The following EFHC2 variants were observed in gnomAD, a reference collection of about 807,000 sequenced individuals.
EFHC2 encodes EF-hand domain containing 2, also known as EF-hand domain-containing family member C2.
Under a neutral mutation model 52.7 loss-of-function variants are expected in EFHC2, and 18 were observed. The observed-to-expected ratio is 0.34, with a 90% CI of 0.24 to 0.51. The LOEUF (loss-of-function observed/expected upper bound fraction) is 0.51, where lower values mean the gene tolerates loss of function less well. Ranked by LOEUF, EFHC2 falls within the 20% of genes least tolerant of loss-of-function variation. EFHC2 has a pLI of 0.97. For missense variants in EFHC2, 513 were observed against 562.5 expected, an observed-to-expected ratio of 0.91 and a Z score of 0.89; for synonymous variants, 203 against 204.1, an observed-to-expected ratio of 0.99 and a Z score of 0.04.
chrX:44,225,111 G>C (rs958652136), intron 11 of EFHC2, among the ~76,000 whole-genome samples: 1 of 110,785 alleles, frequency 9.0e-6, no homozygotes, highest in Admixed American at 9.6e-5. Context: ...GCACTCTCTT[G>C]GATAACGATC....
intron 11 of EFHC2, among the ~76,000 whole-genome samples, chrX:44,213,232 A>G (rs1341325074): frequency 1.2e-4 from 13 of 112,053 alleles, no homozygotes; most frequent in Non-Finnish European, 7.5e-5. Flanking sequence ...ACAATATGCA[A>G]GAATAGATGA....
chrX:44,190,008 CCTT>C (rs1330281912), intron 11 of EFHC2, among the ~76,000 whole-genome samples: 2 of 111,797 alleles, frequency 1.8e-5, no homozygotes, highest in Non-Finnish European at 3.8e-5. Flanking sequence ...TTGATTCCCT[CCTT>C]AACTGCTTCT....
At chrX:44,171,000 C>T (rs73481064) in intron 13 of EFHC2, among the ~76,000 whole-genome samples, 1,395 of 112,257 alleles carry the variant, frequency 0.012, 21 homozygotes, top group African/African-American at 0.044. Flanking sequence ...GCTCACAGTG[C>T]GAAAGTGTTT....
intron 11 of EFHC2, among the ~76,000 whole-genome samples, chrX:44,215,896 T>C (rs2037144188): frequency 9.0e-6 from 1 of 111,314 alleles, no homozygotes; most frequent in Non-Finnish European, 1.9e-5. Context: ...TATCTATATA[T>C]ATCCACATAC....
intron 11 of EFHC2, among the ~76,000 whole-genome samples, chrX:44,199,114 T>C (rs1351899259): frequency 8.9e-6 from 1 of 112,774 alleles, no homozygotes; most frequent in Non-Finnish European, 1.9e-5. Context: ...TGGGGCCTGG[T>C]GGGAGGGATT....
At chrX:44,252,353 T>C (rs2037458335) in intron 4 of EFHC2, among the ~76,000 whole-genome samples, 2 of 112,116 alleles carry the variant, frequency 1.8e-5, no homozygotes, top group African/African-American at 6.5e-5. Context: ...TACAATCTTT[T>C]TGTAAATTTT....
intron 13 of EFHC2, among the ~76,000 whole-genome samples, chrX:44,174,038 A>G (rs2036765534): frequency 8.9e-6 from 1 of 112,339 alleles, no homozygotes; most frequent in Non-Finnish European, 1.9e-5. Flanking sequence ...CTTCCTCTAC[A>G]TAGAAAGACA....
chrX:44,259,028 A>G (rs191866947), intron 4 of EFHC2, among the ~76,000 whole-genome samples: 37 of 111,225 alleles, frequency 3.3e-4, no homozygotes, highest in Middle Eastern at 4.7e-3. Flanking sequence ...ATACCATTTG[A>G]CCCAGCAATC....
chrX:44,176,184 C>T, intron 13 of EFHC2, 108 bp downstream of exon 13: 1 of 602,877 alleles, frequency 1.7e-6, no homozygotes. Flanking sequence ...ATAATCAAAA[C>T]AGTTAAGGGT....
intron 11 of EFHC2, among the ~76,000 whole-genome samples, chrX:44,220,526 T>C (rs12556983): frequency 0.079 from 8,801 of 111,337 alleles, 315 homozygotes; most frequent in Admixed American, 0.17. Context: ...CCACAATGGA[T>C]ACATAAAGTC....
chrX:44,324,414 T>C (rs988758344), intron 1 of EFHC2, among the ~76,000 whole-genome samples: 2 of 111,771 alleles, frequency 1.8e-5, no homozygotes, highest in Non-Finnish European at 3.8e-5. Context: ...CCCATTTAGC[T>C]GGCTCTGAGT....
chrX:44,342,074 T>C (rs1228981220), intron 1 of EFHC2, among the ~76,000 whole-genome samples: 1 of 112,141 alleles, frequency 8.9e-6, no homozygotes, highest in Non-Finnish European at 1.9e-5. Flanking sequence ...TCATGTCCCG[T>C]CTCTCAGGGG....
intron 1 of EFHC2, among the ~76,000 whole-genome samples, chrX:44,313,071 C>G (rs753635139): frequency 2.0e-5 from 2 of 99,007 alleles, no homozygotes; most frequent in Admixed American, 1.2e-4. Flanking sequence ...GTCTTTCCTA[C>G]TTGTTTGCCA....
chrX:44,184,069 A>T (rs2036855188), intron 11 of EFHC2, among the ~76,000 whole-genome samples: 1 of 112,010 alleles, frequency 8.9e-6, no homozygotes, highest in Non-Finnish European at 1.9e-5. Context: ...TGATATGTTA[A>T]AACAGAAGTC....
chrX:44,261,047 A>G (rs1263113001), intron 4 of EFHC2, 28 bp downstream of exon 4: 6 of 1,158,374 alleles, frequency 5.2e-6, no homozygotes, highest in Non-Finnish European at 7.0e-6. Context: ...TTTTGAAGAC[A>G]AGAACTCAAC....
At chrX:44,243,161 G>A (rs1284001580) in intron 7 of EFHC2, among the ~76,000 whole-genome samples, 1 of 111,079 alleles carries the variant, frequency 9.0e-6, no homozygotes, top group Admixed American at 9.6e-5. Context: ...AGAAGCAACC[G>A]TGCTCTCCAG....
At chrX:44,178,022 T>A (rs187975943) in intron 12 of EFHC2, among the ~76,000 whole-genome samples, 1 of 107,779 alleles carries the variant, frequency 9.3e-6, no homozygotes, top group Admixed American at 1.0e-4. Context: ...TCCCAACTAC[T>A]CAGGAGGCTG....
chrX:44,288,500 C>CTT (rs1427907425), intron 2 of EFHC2, among the ~76,000 whole-genome samples: 1 of 110,666 alleles, frequency 9.0e-6, no homozygotes, highest in Non-Finnish European at 1.9e-5. Flanking sequence ...TGGAGTAGCT[C>CTT]TTTGGCAGTT....
At chrX:44,229,812 T>A (rs1331042751) in intron 10 of EFHC2, 33 bp from the exon 11 acceptor site, 2 of 1,179,711 alleles carry the variant, frequency 1.7e-6, no homozygotes, top group Non-Finnish European at 2.3e-6. Flanking sequence ...AAAACATATT[T>A]AAATATTCCT....
Sources: gnomAD v4.1 joint callset for allele counts (sites outside exome capture counted in the v4.1 genomes callset) on GRCh38, gnomAD v4.1.1 for gene constraint, MANE v1.5 for transcripts, NCBI Gene and HGNC (gene_info 2026-07-23, HGNC 2026-07-21) for gene names.